Variants in PLCB1 observed in about 807,000 individuals in gnomAD.
PLCB1 encodes the protein phospholipase C beta 1.
In PLCB1, 46 loss-of-function variants were observed where a neutral mutation model predicts 161.8. The observed-to-expected ratio is 0.28, with a 90% CI of 0.22 to 0.36. PLCB1 has a LOEUF of 0.36. Ranked by LOEUF, PLCB1 falls within the 10% of genes least tolerant of loss-of-function variation. The pLI is 1.00. For synonymous variants in PLCB1, 517 were observed against 503.7 expected (o/e 1.03, Z -0.35); for missense variants, 1,016 against 1,472.5 (o/e 0.69, Z 5.07).
chr20:8,803,296 G>A (rs1179101484), intron 31 of PLCB1, among the ~76,000 whole-genome samples: 1 of 151,902 alleles, frequency 6.6e-6, no homozygotes, highest in Non-Finnish European at 1.5e-5. Flanking sequence ...ACAGTTCCAG[G>A]GAGCACATTT....
intron 9 of PLCB1, among the ~76,000 whole-genome samples, chr20:8,659,436 C>T (rs1989561077): frequency 6.6e-6 from 1 of 151,966 alleles, no homozygotes; most frequent in African/African-American, 2.4e-5. Flanking sequence ...AATATCTTCA[C>T]CAAGAAAATT....
chr20:8,298,392 C>A (rs1983737031), intron 2 of PLCB1, among the ~76,000 whole-genome samples: 1 of 151,714 alleles, frequency 6.6e-6, no homozygotes, highest in Admixed American at 6.6e-5. Context: ...TTTGTGTTAT[C>A]CTTTAAAGAG....
chr20:8,831,057 C>T (rs1985956025), intron 31 of PLCB1: 1 of 152,208 alleles, frequency 6.6e-6, no homozygotes, highest in South Asian at 2.1e-4. Flanking sequence ...ATCCTTCTTC[C>T]TCTCAATACT....
chr20:8,179,765 G>A (rs991966875), intron 2 of PLCB1, among the ~76,000 whole-genome samples: 3 of 146,964 alleles, frequency 2.0e-5, no homozygotes, highest in Admixed American at 6.9e-5. Context: ...TGCTTGTTCA[G>A]TATAATATTG....
In PLCB1 at chr20:8,400,805, G is replaced by GT. The variant is rs552813557; in HGVS notation, c.246+29361dup. 1.7e-4 allele frequency among the ~76,000 whole-genome samples: 26 copies of GT among 152,116 alleles called. No homozygotes were observed. The East Asian group carries it at 4.8e-3, about 28-fold the overall frequency. ...GTTAATAGGCATTTTATTGTTTCCG[G>GT]TTTTTTGCTGCCTCAAACAATGCTT... is the stretch of plus-strand genomic sequence containing the variant. On this transcript the variant is annotated intron_variant, in intron 3 of 31. Coordinates refer to ENST00000338037, the MANE Select transcript of PLCB1 (RefSeq NM_015192.4).
At chr20:8,817,381 AG>A (rs2146259682) in intron 31 of PLCB1, among the ~76,000 whole-genome samples, 1 of 152,072 alleles carries the variant, frequency 6.6e-6, no homozygotes, top group South Asian at 2.1e-4. Flanking sequence ...AGAATAGAGG[AG>A]GAAAAAATTC....
chr20:8,362,897 T>A (rs8121340), intron 2 of PLCB1, among the ~76,000 whole-genome samples: 3 of 152,080 alleles, frequency 2.0e-5, no homozygotes, highest in Non-Finnish European at 4.4e-5. Context: ...TTTGGGGATA[T>A]GTGGATTACT....
rs181373410 is a variant in PLCB1 at position 8,516,545 on chromosome 20, A to G, written c.247-111749A>G. Among the ~76,000 whole-genome samples the G allele has an allele frequency of 3.3e-5, 5 of 151,960 alleles. No individual in the cohort carries two copies. The East Asian group carries it at 9.7e-4, about 29-fold the overall frequency. On this transcript the variant is annotated intron_variant, in intron 3 of 31. Coordinates refer to ENST00000338037, the MANE Select transcript of PLCB1 (RefSeq NM_015192.4). Reference sequence around the variant, plus strand: ...TACATGTAAGTACAATAATGTTGAAAGTCTCTGAGTTTATTTTCATAACAT... The same window carrying G: ...TACATGTAAGTACAATAATGTTGAAGGTCTCTGAGTTTATTTTCATAACAT...
In PLCB1 at chr20:8,560,529, CA is replaced by C. The variant is rs1986108468; in HGVS notation, c.247-67764del. On this transcript the variant is annotated intron_variant, in intron 3 of 31. Transcript: ENST00000338037. ...ATCAGAATCTCTGAGAATTGAGCCC[CA>C]GCACTAGTATTGTTGAAAAACGTCT... is the stretch of plus-strand genomic sequence containing the variant. Among the ~76,000 whole-genome samples the C allele has an allele frequency of 4.6e-5, 7 of 152,088 alleles. No homozygotes were observed. In the South Asian group the frequency reaches 1.2e-3, roughly 27 times the overall value.
intron 7 of PLCB1, among the ~76,000 whole-genome samples, chr20:8,655,946 C>G (rs1471939585): frequency 2.0e-5 from 3 of 152,006 alleles, no homozygotes; most frequent in Non-Finnish European, 4.4e-5. Context: ...AGATTTCTCT[C>G]TTTCTATAAA....
chr20:8,132,370 G>A lies in PLCB1; in HGVS notation c.-282G>A, dbSNP rs1280633016. Reference sequence around the variant, plus strand: ...CCGCGACTGGCAGCCTCGGCTGACCGGCTCGGCTTCTCTTCGCCTTCCGAG... The same window carrying A: ...CCGCGACTGGCAGCCTCGGCTGACCAGCTCGGCTTCTCTTCGCCTTCCGAG... On this transcript the variant is annotated 5_prime_UTR_variant, in exon 1 of 32. Transcript: ENST00000338037. The surrounding 1 kb of genome is among the most constrained non-coding windows in gnomAD (Gnocchi z 5.2). 14 of 256,868 alleles carry A rather than the reference G, an allele frequency of 5.5e-5. No individual in the cohort carries two copies. The East Asian group carries it at 8.0e-4, about 15-fold the overall frequency. The allele number at this position is 256,868 out of a possible 1,614,324, so 15.9% of individuals were successfully genotyped here.
At chr20:8,234,586 C>T (rs1980226841) in intron 2 of PLCB1, among the ~76,000 whole-genome samples, 1 of 152,060 alleles carries the variant, frequency 6.6e-6, no homozygotes, top group Non-Finnish European at 1.5e-5. Flanking sequence ...ATTCCTAGAG[C>T]TGGATATAAT....
chr20:8,601,453 TATAAGTG>T (rs1205315769), intron 3 of PLCB1, among the ~76,000 whole-genome samples: 1 of 152,208 alleles, frequency 6.6e-6, no homozygotes, highest in Admixed American at 6.5e-5. Context: ...AGCTCCCACT[TATAAGTG>T]AGAACGTGTG....
chr20:8,166,772 T>G (rs753094808), intron 2 of PLCB1, among the ~76,000 whole-genome samples: 1 of 152,124 alleles, frequency 6.6e-6, no homozygotes, highest in East Asian at 1.9e-4. Context: ...CCTTTTGTGC[T>G]CCGTCCACAA....
At position 8,750,754 on chromosome 20, in the gene PLCB1, A is replaced by G. The variant is rs761120588; in HGVS notation, c.2524-6292A>G. The G allele has an allele frequency of 7.2e-5, 65 of 906,020 alleles. No homozygotes were observed. The South Asian group carries it at 8.3e-4, about 12-fold the overall frequency. 56.1% of individuals were successfully genotyped at this position (906,020 alleles called of 1,614,324 possible). ...GTTTGAAGAAGCTCCTCCTTAAGGG[A>G]AAGGCTGGCTCTAACAAAGCTACTT... On this transcript the variant is annotated intron_variant, in intron 23 of 31. Coordinates refer to ENST00000338037, the MANE Select transcript of PLCB1 (RefSeq NM_015192.4).
At chr20:8,848,247 T>G (rs906654291) in intron 31 of PLCB1, among the ~76,000 whole-genome samples, 1 of 152,146 alleles carries the variant, frequency 6.6e-6, no homozygotes, top group Non-Finnish European at 1.5e-5. Flanking sequence ...GAGCTTATGA[T>G]CCTACGGAGT....
At chr20:8,666,816 T>G (rs1989822902) in intron 9 of PLCB1, among the ~76,000 whole-genome samples, 1 of 152,070 alleles carries the variant, frequency 6.6e-6, no homozygotes, top group Non-Finnish European at 1.5e-5. Flanking sequence ...AAGGCCAATG[T>G]GTAGGGAAAA....
chr20:8,864,786 G>A (rs1248011162), intron 31 of PLCB1, among the ~76,000 whole-genome samples: 1 of 152,162 alleles, frequency 6.6e-6, no homozygotes, highest in Non-Finnish European at 1.5e-5. Flanking sequence ...AAGATTAGCT[G>A]TAGTTTTCTC....
chr20:8,684,229 ATTAT>A (rs111508342), intron 9 of PLCB1, among the ~76,000 whole-genome samples: 69,362 of 144,982 alleles, frequency 0.48, 16,573 homozygotes, highest in Admixed American at 0.53. Flanking sequence ...CCACTTGTAA[ATTAT>A]TTATTTATTT....
Sources: gnomAD v4.1 joint callset for allele counts (sites outside exome capture counted in the v4.1 genomes callset) on GRCh38, gnomAD v4.1.1 for gene constraint, Gnocchi (gnomAD v3.1) non-coding constraint, MANE v1.5 for transcripts, NCBI Gene and HGNC (gene_info 2026-07-23, HGNC 2026-07-21) for gene names.